The following CADPS variants were observed in gnomAD, a reference collection of about 807,000 sequenced individuals.
CADPS encodes the protein calcium-dependent secretion activator 1.
Under a neutral mutation model 167.3 loss-of-function variants are expected in CADPS, and 57 were observed. The ratio of observed to expected loss-of-function variants is 0.34; its 90% CI spans 0.28 to 0.42. CADPS has a LOEUF of 0.42. Among genes scored for constraint, CADPS ranks in the 20% least tolerant of loss-of-function variants. The probability of loss-of-function intolerance (pLI) is 1.00; values close to 1 mark genes in which losing one functional copy is unlikely to be tolerated. For missense variants in CADPS, 1,414 were observed against 1,738.1 expected (o/e 0.81, Z 3.32); for synonymous variants, 676 against 635.3 (o/e 1.06, Z -0.96).
intron 6 of CADPS, among the ~76,000 whole-genome samples, chr3:62,608,418 G>A (rs2061002695): frequency 6.6e-6 from 1 of 151,792 alleles, no homozygotes; most frequent in African/African-American, 2.4e-5. Context: ...GAGTAGCTGG[G>A]ACCACAGGCA....
intron 14 of CADPS, 103 bp from the exon 15 acceptor site, chr3:62,516,746 T>C (rs2069084777): frequency 1.3e-6 from 1 of 789,994 alleles, no homozygotes; most frequent in African/African-American, 1.7e-5. Context: ...GAATGGAAAA[T>C]GCTTTTTATT....
rs2078354323 is a variant in CADPS at position 62,557,404 on chromosome 3, C to T, written c.1753+1G>A. On this transcript the variant is annotated splice_donor_variant, in intron 10 of 29. Transcript: ENST00000383710. LOFTEE classifies it high-confidence loss of function. Reference sequence around the variant, plus strand: ...TCGTGGCCTTGAGGGTCGGTGGGTACCTGGCTGGGGGTCGGTGTAATCCAC... The same window carrying T: ...TCGTGGCCTTGAGGGTCGGTGGGTATCTGGCTGGGGGTCGGTGTAATCCAC... The T allele has an allele frequency of 6.2e-7, 1 of 1,610,998 alleles. No individual in the cohort carries two copies. The highest frequency in any genetic ancestry group is 8.5e-7 in the Non-Finnish European group (1 of 1,177,368).
intron 3 of CADPS, among the ~76,000 whole-genome samples, chr3:62,704,551 C>G (rs567296878): frequency 5.9e-5 from 9 of 152,052 alleles, no homozygotes; most frequent in East Asian, 1.9e-4. Context: ...TTTGGTCTAC[C>G]TTTTACCTGG....
chr3:62,554,011 G>A (rs548076196), intron 10 of CADPS, among the ~76,000 whole-genome samples: 1 of 152,312 alleles, frequency 6.6e-6, no homozygotes, highest in East Asian at 1.9e-4. Flanking sequence ...TAGGGGAAAG[G>A]AATTGCACTT....
chr3:62,494,669 A>ATTTTTTTTTTTTTTTT (rs56153630), intron 18 of CADPS, among the ~76,000 whole-genome samples: 2 of 118,616 alleles, frequency 1.7e-5, no homozygotes, highest in African/African-American at 6.8e-5. Flanking sequence ...CTTACCAGCA[A>ATTTTTTTTTTTTTTTT]TTTTTTTTTT....
chr3:62,623,528 A>G (rs1038667281), intron 6 of CADPS, among the ~76,000 whole-genome samples: 2 of 152,184 alleles, frequency 1.3e-5, no homozygotes, highest in Non-Finnish European at 2.9e-5. Context: ...ATGGATTTCT[A>G]TTTATTTTTG....
intron 1 of CADPS, among the ~76,000 whole-genome samples, chr3:62,839,911 G>C (rs1256132186): frequency 6.6e-6 from 1 of 152,140 alleles, no homozygotes; most frequent in Non-Finnish European, 1.5e-5. Context: ...CTCTAGCTTG[G>C]ATGACCAGAT....
intron 3 of CADPS, among the ~76,000 whole-genome samples, chr3:62,719,971 C>A (rs1024826390): frequency 1.3e-5 from 2 of 152,116 alleles, no homozygotes; most frequent in Non-Finnish European, 2.9e-5. Context: ...TCTGGCACAG[C>A]GGGAGCATCA....
At chr3:62,683,574 T>G (rs1489546021) in intron 3 of CADPS, among the ~76,000 whole-genome samples, 1 of 152,082 alleles carries the variant, frequency 6.6e-6, no homozygotes, top group African/African-American at 2.4e-5. Context: ...CCATGGCACA[T>G]TTGTCAAAAC....
At chr3:62,722,277 G>A (rs2075976044) in intron 3 of CADPS, among the ~76,000 whole-genome samples, 1 of 152,216 alleles carries the variant, frequency 6.6e-6, no homozygotes, top group South Asian at 2.1e-4. Context: ...ATGCCGACTT[G>A]GTGAGGCAAA....
At chr3:62,642,915 G>GACAAAACAAAACAAAACAAA (rs59057183) in intron 6 of CADPS, among the ~76,000 whole-genome samples, 1 of 146,776 alleles carries the variant, frequency 6.8e-6, no homozygotes, top group Non-Finnish European at 1.5e-5. Flanking sequence ...TATCTCAAAA[G>GACAAAACAAAACAAAACAAA]ACAAAACAAA....
intron 1 of CADPS, among the ~76,000 whole-genome samples, chr3:62,818,196 A>C (rs1416375411): frequency 6.6e-6 from 1 of 152,272 alleles, no homozygotes; most frequent in South Asian, 2.1e-4. Flanking sequence ...ATACAGTTGA[A>C]GTCTTAGCAA....
chr3:62,488,800 A>G (rs1287564293), intron 21 of CADPS, among the ~76,000 whole-genome samples: 1 of 152,062 alleles, frequency 6.6e-6, no homozygotes, highest in Non-Finnish European at 1.5e-5. Flanking sequence ...CTTAGTTGGC[A>G]CTTTTAAAGA....
intron 6 of CADPS, among the ~76,000 whole-genome samples, chr3:62,613,727 G>A (rs56056756): frequency 6.6e-6 from 1 of 152,152 alleles, no homozygotes; most frequent in East Asian, 1.9e-4. Context: ...GAGACCAGGG[G>A]TATCATCTCC....
rs2080254015 is a variant in CADPS at position 62,696,250 on chromosome 3, G to C, written c.889-33856C>G. 2.6e-5 allele frequency among the ~76,000 whole-genome samples: 4 copies of C among 152,208 alleles called. No homozygotes were observed. In the South Asian group the frequency reaches 8.3e-4, roughly 32 times the overall value. On this transcript the variant is annotated intron_variant, in intron 3 of 29. Transcript: ENST00000383710. ...GGGTTCTGCCAATTAGTGATGCTAT[G>C]GGGAAAGCTGCAGGGTGGGAGAGGG...
intron 17 of CADPS, among the ~76,000 whole-genome samples, chr3:62,504,426 A>G (rs938891428): frequency 5.3e-5 from 8 of 152,236 alleles, no homozygotes; most frequent in African/African-American, 1.7e-4. Context: ...CAGTTCTCAC[A>G]GAAATTCCTG....
Position 62,602,464 on chromosome 3 carries a change from T to C in CADPS, c.1326-9716A>G, listed in dbSNP as rs958267429. 6.6e-6 allele frequency among the ~76,000 whole-genome samples: 1 copy of C among 152,140 alleles called. No individual in the cohort carries two copies. The highest frequency in any genetic ancestry group is 2.4e-5 in the African/African-American group (1 of 41,430). On this transcript the variant is annotated intron_variant, in intron 6 of 29. Transcript: ENST00000383710. This position sits in a 1 kb window ranked among gnomAD's most constrained non-coding sequence, Gnocchi z 4.4. ...ATTTCAAGGAATGAAAGTGCCGTGG[T>C]CCTGTTGCTAAGAAGGAAAGTTAAT... is the stretch of plus-strand genomic sequence containing the variant.
intron 28 of CADPS, among the ~76,000 whole-genome samples, chr3:62,417,005 C>A (rs2050192453): frequency 6.6e-6 from 1 of 152,040 alleles, no homozygotes; most frequent in Non-Finnish European, 1.5e-5. Context: ...CCCACCTCAG[C>A]CTCCCAAGTA....
At chr3:62,479,952 T>C (rs536902290) in intron 22 of CADPS, among the ~76,000 whole-genome samples, 1 of 152,216 alleles carries the variant, frequency 6.6e-6, no homozygotes, top group African/African-American at 2.4e-5. Context: ...AACTGCATGG[T>C]TGTATGTTTT....
Sources: gnomAD v4.1 joint callset for allele counts (sites outside exome capture counted in the v4.1 genomes callset) on GRCh38, gnomAD v4.1.1 for gene constraint, Gnocchi (gnomAD v3.1) non-coding constraint, MANE v1.5 for transcripts, NCBI Gene and HGNC (gene_info 2026-07-23, HGNC 2026-07-21) for gene names.